Variants in MINDY4 observed in about 807,000 individuals in gnomAD.
MINDY4 encodes MINDY lysine 48 deubiquitinase 4.
In MINDY4, 68 loss-of-function variants were observed where a neutral mutation model predicts 87.0. The ratio of observed to expected loss-of-function variants is 0.78; its 90% CI spans 0.64 to 0.96. The LOEUF is 0.96. Among genes scored for constraint, MINDY4 ranks in the 40% least tolerant of loss-of-function variants. The pLI is 0.00. For missense variants in MINDY4, 919 were observed against 928.2 expected, an observed-to-expected ratio of 0.99 and a Z score of 0.13; for synonymous variants, 379 against 363.2, an observed-to-expected ratio of 1.04 and a Z score of -0.50.
In MINDY4 at chr7:30,856,223, C is replaced by T. The variant is rs559636154; in HGVS notation, c.1677+2764C>T. ...CTTTCTAGACCCTGATGGCAGTTTT[C>T]AGGCCAGTTGCCTTGCCTGACCTCG... On this transcript the variant is annotated intron_variant, in intron 12 of 17. Transcript: ENST00000265299. Among the ~76,000 whole-genome samples, 3 of 151,996 alleles carry T rather than the reference C, an allele frequency of 2.0e-5. No homozygotes were observed. In the South Asian group the frequency reaches 6.2e-4, roughly 31 times the overall value.
intron 4 of MINDY4, among the ~76,000 whole-genome samples, chr7:30,788,828 G>A (rs1584239382): frequency 6.6e-6 from 1 of 152,346 alleles, no homozygotes; most frequent in East Asian, 1.9e-4. Context: ...CTCCCACTGT[G>A]TCACTCAGGG....
rs1036573678 is a variant in MINDY4 at position 30,889,183 on chromosome 7, T to G, written c.2226-2774T>G. On this transcript the variant is annotated intron_variant, in intron 17 of 17. Transcript: ENST00000265299. ...GATTTCAATGCTTGCCCACAAATCT[T>G]AATAGAACAATAAAAGCTTTTTAAT... 3.3e-5 allele frequency among the ~76,000 whole-genome samples: 5 copies of G among 152,266 alleles called. 1 individual carries two copies. The South Asian group carries it at 1.0e-3, about 32-fold the overall frequency.
chr7:30,809,426 C>G lies in MINDY4; in HGVS notation c.1073+17852C>G, dbSNP rs572571072. On this transcript the variant is annotated intron_variant, in intron 5 of 17. Transcript: ENST00000265299. Reference sequence around the variant, plus strand: ...GATTTAATATTAACCACTGAAAATTCCCTTAACCCAGCAGGTTTCCTAACA... The same window carrying G: ...GATTTAATATTAACCACTGAAAATTGCCTTAACCCAGCAGGTTTCCTAACA... 2.1e-4 allele frequency among the ~76,000 whole-genome samples: 31 copies of G among 149,448 alleles called. No homozygotes were observed. In the East Asian group the frequency reaches 5.9e-3, roughly 28 times the overall value.
intron 13 of MINDY4, among the ~76,000 whole-genome samples, chr7:30,860,721 C>A (rs990721583): frequency 2.6e-5 from 4 of 152,108 alleles, no homozygotes; most frequent in Admixed American, 2.6e-4. Context: ...CATGCATGCT[C>A]CTGCATGTAG....
intron 6 of MINDY4, among the ~76,000 whole-genome samples, chr7:30,831,725 A>G (rs1788708173): frequency 1.3e-5 from 2 of 152,190 alleles, no homozygotes; most frequent in African/African-American, 4.8e-5. Context: ...AGGCTCCCAG[A>G]AAAAAGCTGT....
intron 5 of MINDY4, among the ~76,000 whole-genome samples, chr7:30,810,957 A>G (rs1787977899): frequency 6.6e-6 from 1 of 152,186 alleles, no homozygotes; most frequent in Admixed American, 6.5e-5. Context: ...TAGAAATTAT[A>G]TACTTGGTTT....
At chr7:30,867,713 G>A (rs62449125) in intron 13 of MINDY4, among the ~76,000 whole-genome samples, 8,390 of 152,260 alleles carry the variant, frequency 0.055, 356 homozygotes, top group Middle Eastern at 0.075. Flanking sequence ...TGGGGGAAGT[G>A]TGGTCAAGGG....
At chr7:30,890,676 A>G (rs1039109319) in intron 17 of MINDY4, among the ~76,000 whole-genome samples, 1 of 152,236 alleles carries the variant, frequency 6.6e-6, no homozygotes, top group Non-Finnish European at 1.5e-5. Context: ...CAACCTAAAA[A>G]TTAGAGACTT....
At chr7:30,883,082 G>A (rs1270376445) in intron 17 of MINDY4, 89 bp downstream of exon 17, 44 of 1,290,044 alleles carry the variant, frequency 3.4e-5, no homozygotes, top group Non-Finnish European at 4.9e-5. Context: ...CAGGAAGGCA[G>A]ATAGGTTCCT....
At chr7:30,886,885 G>C (rs1228348389) in intron 17 of MINDY4, among the ~76,000 whole-genome samples, 1 of 152,054 alleles carries the variant, frequency 6.6e-6, no homozygotes, top group African/African-American at 2.4e-5. Context: ...AAAAAAACAG[G>C]CTAATTTATT....
At chr7:30,891,284 A>C (rs1298609934) in intron 17 of MINDY4, among the ~76,000 whole-genome samples, 1 of 152,202 alleles carries the variant, frequency 6.6e-6, no homozygotes, top group Non-Finnish European at 1.5e-5. Flanking sequence ...CATGTGTTAA[A>C]ATCAAGTGCT....
chr7:30,822,564 AT>A (rs1329773495), intron 5 of MINDY4, among the ~76,000 whole-genome samples: 1 of 151,374 alleles, frequency 6.6e-6, no homozygotes, highest in Non-Finnish European at 1.5e-5. Context: ...TTTAGGCTTT[AT>A]TTTTTTTCAA....
At chr7:30,886,568 T>C (rs983839041) in intron 17 of MINDY4, among the ~76,000 whole-genome samples, 1 of 152,226 alleles carries the variant, frequency 6.6e-6, no homozygotes, top group African/African-American at 2.4e-5. Context: ...AGCCACACTT[T>C]GAGTCACAAG....
intron 5 of MINDY4, among the ~76,000 whole-genome samples, chr7:30,822,627 T>TTTTTTTTATTTATTTATTTA (rs1554280714): frequency 6.9e-6 from 1 of 145,654 alleles, no homozygotes; most frequent in African/African-American, 2.7e-5. Context: ...TGCCTGTCTA[T>TTTTTTTTATTTATTTATTTA]TTTATTTATT....
intron 15 of MINDY4, among the ~76,000 whole-genome samples, chr7:30,877,016 T>TC (rs1435283965): frequency 1.3e-5 from 2 of 151,878 alleles, no homozygotes; most frequent in Non-Finnish European, 2.9e-5. Context: ...CCTCCCCAGA[T>TC]CCCCTCTCTG....
In MINDY4 at chr7:30,852,405, C is replaced by T. The variant is rs1789440118; in HGVS notation, c.1611+126C>T. ...TTCCGCAGCCCAGGTCCCAGGAATC[C>T]TCATCCTGGGATTAGGGTGGGGACA... On this transcript the variant is annotated intron_variant, in intron 11 of 17. Coordinates refer to ENST00000265299, the MANE Select transcript of MINDY4 (RefSeq NM_032222.3). The T allele has an allele frequency of 2.6e-6, 4 of 1,517,582 alleles. No individual in the cohort carries two copies. The South Asian group carries it at 5.2e-5, about 20-fold the overall frequency. 94.0% of individuals were successfully genotyped at this position (1,517,582 alleles called of 1,614,324 possible).
chr7:30,851,796 C>T (rs973968489), intron 10 of MINDY4, among the ~76,000 whole-genome samples: 6 of 152,242 alleles, frequency 3.9e-5, no homozygotes, highest in Admixed American at 3.3e-4. Flanking sequence ...GGGCTACACA[C>T]CCCTGGGGAC....
At chr7:30,830,507 C>T (rs759788962) in intron 6 of MINDY4, among the ~76,000 whole-genome samples, 4 of 152,066 alleles carry the variant, frequency 2.6e-5, no homozygotes, top group South Asian at 2.1e-4. Context: ...ACAATCGTGG[C>T]AGAAGGGGAA....
At chr7:30,842,548 G>A (rs749917802) in intron 9 of MINDY4, among the ~76,000 whole-genome samples, 1 of 152,164 alleles carries the variant, frequency 6.6e-6, no homozygotes, top group Non-Finnish European at 1.5e-5. Flanking sequence ...TGTGCAGAGT[G>A]TGCTTAGCAG....
Sources: gnomAD v4.1 joint callset for allele counts (sites outside exome capture counted in the v4.1 genomes callset) on GRCh38, gnomAD v4.1.1 for gene constraint, MANE v1.5 for transcripts, NCBI Gene and HGNC (gene_info 2026-07-23, HGNC 2026-07-21) for gene names.